Variants in EFCAB14 observed in about 807,000 individuals in gnomAD.
The protein encoded by EFCAB14 is EF-hand calcium binding domain 14.
Under a neutral mutation model 56.5 loss-of-function variants are expected in EFCAB14, and 43 were observed. That is an observed-to-expected ratio of 0.76 (90% CI 0.60 to 0.98). EFCAB14 has a LOEUF of 0.98. Ranked by LOEUF, EFCAB14 falls within the 50% of genes least tolerant of loss-of-function variation. EFCAB14 has a pLI of 0.00. For missense variants in EFCAB14, 538 were observed against 580.3 expected, an observed-to-expected ratio of 0.93 and a Z score of 0.75; for synonymous variants, 235 against 212.9, an observed-to-expected ratio of 1.10 and a Z score of -0.90.
chr1:46,704,534 T>C (rs1677208181), intron 3 of EFCAB14, among the ~76,000 whole-genome samples: 3 of 149,442 alleles, frequency 2.0e-5, no homozygotes, highest in Admixed American at 2.0e-4. Flanking sequence ...TGTTCTGCCA[T>C]GTGAGGACAC....
rs1284686929 is a variant in EFCAB14 at position 46,696,535 on chromosome 1, C to T, written c.579+16G>A. ...ACCTACCTTCTGAAGTCTCTGTACCCACACATGGCACCTACCTTCTGAAGT... is the reference window on the plus strand; with the variant it reads ...ACCTACCTTCTGAAGTCTCTGTACCTACACATGGCACCTACCTTCTGAAGT... On this transcript the variant is annotated intron_variant, in intron 4 of 10. Transcript: ENST00000371933. 2 of 1,610,782 alleles carry T rather than the reference C, an allele frequency of 1.2e-6. No homozygotes were observed. The highest frequency in any genetic ancestry group is 3.3e-5 in the Admixed American group (2 of 59,832).
In EFCAB14 at chr1:46,684,054, T is replaced by C. The variant is rs1038150041; in HGVS notation, c.1186+437A>G. ...TGCTAATATTGATTAGACAGGTCCA[T>C]ACCTAAAGCCAAAGACCCTTCCAAC... On this transcript the variant is annotated intron_variant, in intron 9 of 10. Coordinates refer to ENST00000371933, the MANE Select transcript of EFCAB14 (RefSeq NM_014774.3). 3 of 169,488 alleles carry C rather than the reference T, an allele frequency of 1.8e-5. No individual in the cohort carries two copies. In the South Asian group the frequency reaches 4.3e-4, roughly 25 times the overall value. 10.5% of individuals were successfully genotyped at this position (169,488 alleles called of 1,614,324 possible).
Position 46,691,898 on chromosome 1 carries a change from G to T in EFCAB14, c.619C>A (p.Leu207Ile), listed in dbSNP as rs141692192. The T allele has an allele frequency of 4.5e-4, 727 of 1,613,416 alleles. No individual in the cohort carries two copies. Among genetic ancestry groups the T allele is most frequent in the Non-Finnish European group, 5.9e-4 (693 of 1,179,712 alleles). The change falls in exon 5 of 11, where the codon CTT becomes ATT. Residue 207 changes from leucine to isoleucine, a missense_variant. By Grantham distance (5) the Leu-to-Ile change is conservative. Transcript: ENST00000371933. ...GTTTTCTGTAGTGCTTCCACAGCAA[G>T]ATGGACGCTGTTTAAAGTATTGCCA... ...SIGNTLNSVH[L>I]AVEALQKTVD...
At chr1:46,706,352 C>T (rs1359605696) in intron 3 of EFCAB14, among the ~76,000 whole-genome samples, 2 of 152,176 alleles carry the variant, frequency 1.3e-5, no homozygotes, top group East Asian at 1.9e-4. Context: ...TGTCTAGCTT[C>T]CTGGTTAAAG....
intron 10 of EFCAB14, 104 bp from the exon 11 acceptor site, chr1:46,678,740 C>T (rs561475991): frequency 4.8e-5 from 55 of 1,140,466 alleles, no homozygotes; most frequent in Admixed American, 3.3e-4. Flanking sequence ...AAAGCTACTC[C>T]GCAAATTTTG....
chr1:46,684,490 C>CA lies in EFCAB14; in HGVS notation c.1186_1186+1insT (p.Glu396ValfsTer25). 8 of 1,613,484 alleles carry CA rather than the reference C, an allele frequency of 5.0e-6. No homozygotes were observed. The highest frequency in any genetic ancestry group is 6.8e-6 in the Non-Finnish European group (8 of 1,179,476). ...TATTAAGAAGCCGGCTCTGCTCTCACCTTCATCGGCGGTCTCTGGAGGCCT... is the reference window on the plus strand; with the variant it reads ...TATTAAGAAGCCGGCTCTGCTCTCACACTTCATCGGCGGTCTCTGGAGGCCT... On this transcript the variant is annotated frameshift_variant and splice_region_variant. Transcript: ENST00000371933. LOFTEE classifies it high-confidence loss of function.
rs1569666413 is a variant in EFCAB14, at chr1:46,675,701, T to C, written c.*2760A>G. ...CTTCAGCTCTGTTGCATCATACACA[T>C]TCCTGAGGGTCAGGCACCTCTGCCT... On this transcript the variant is annotated 3_prime_UTR_variant, in exon 11 of 11. Coordinates refer to ENST00000371933, the MANE Select transcript of EFCAB14 (RefSeq NM_014774.3). The C allele has an allele frequency of 6.6e-6, 1 of 152,210 alleles. No homozygotes were observed. The highest frequency in any genetic ancestry group is 2.4e-5 in the African/African-American group (1 of 41,444). 9.4% of individuals were successfully genotyped at this position (152,210 alleles called of 1,614,324 possible). A position where few individuals can be genotyped will look rare whatever the true frequency, so the allele number is the denominator to read the frequency against.
intron 8 of EFCAB14, among the ~76,000 whole-genome samples, chr1:46,685,547 T>C (rs1676867533): frequency 1.3e-5 from 2 of 152,196 alleles, no homozygotes; most frequent in Non-Finnish European, 2.9e-5. Context: ...TACTAAATGT[T>C]TGAAGAACTA....
intron 3 of EFCAB14, 47 bp downstream of exon 3, chr1:46,707,859 C>T: frequency 6.3e-7 from 1 of 1,578,392 alleles, no homozygotes; most frequent in Non-Finnish European, 8.6e-7. Flanking sequence ...ACTAAACAAC[C>T]AAACAAATAT....
chr1:46,688,391 T>A lies in EFCAB14; in HGVS notation c.949A>T (p.Ser317Cys). The A allele has an allele frequency of 6.2e-7, 1 of 1,613,994 alleles. No individual in the cohort carries two copies. The highest frequency in any genetic ancestry group is 8.5e-7 in the Non-Finnish European group (1 of 1,179,896). The change falls in exon 7 of 11, where the codon AGC (serine) becomes TGC (cysteine). Residue 317 changes from serine (S) to cysteine (C), a missense_variant. Physicochemically the swap from Ser to Cys is moderately radical, Grantham distance 112. Transcript: ENST00000371933. Reference sequence around the variant, plus strand: ...AGGTTTGCTTTCTTTTCTACCTTGCTCATAGCAACCACATCGCTTTCTATC... The same window carrying A: ...AGGTTTGCTTTCTTTTCTACCTTGCACATAGCAACCACATCGCTTTCTATC... ...NLIESDVVAM[S>C]KVEKKANLSF...
At chr1:46,690,973 G>A (rs142899703) in intron 5 of EFCAB14, among the ~76,000 whole-genome samples, 2 of 152,264 alleles carry the variant, frequency 1.3e-5, no homozygotes, top group East Asian at 3.9e-4. Context: ...GAATAGTCCT[G>A]ATTTCAGATG....
chr1:46,686,156 A>G (rs1676877739), intron 8 of EFCAB14, among the ~76,000 whole-genome samples: 1 of 152,172 alleles, frequency 6.6e-6, no homozygotes, highest in African/African-American at 2.4e-5. Context: ...TACTGTAATC[A>G]CACTTTCTTT....
At position 46,681,661 on chromosome 1, in the gene EFCAB14, C is replaced by CTG. The variant is rs1240922419; in HGVS notation, c.1312+1637_1312+1638dup. On this transcript the variant is annotated intron_variant, in intron 10 of 10. Transcript: ENST00000371933. Reference sequence around the variant, plus strand: ...ACACCAAGTGGCTAGCTGAAGAGTTCTGTTTTTTTTTTTCTTTTTTTTTGT... The same window carrying CTG: ...ACACCAAGTGGCTAGCTGAAGAGTTCTGTGTTTTTTTTTTTCTTTTTTTTTGT... Among the ~76,000 whole-genome samples, 4 of 39,002 alleles carry CTG rather than the reference C, an allele frequency of 1.0e-4. No individual in the cohort carries two copies. In the Admixed American group the frequency reaches 1.2e-3, roughly 11 times the overall value. 25.6% of individuals were successfully genotyped at this position (39,002 alleles called of 152,430 possible).
intron 4 of EFCAB14, among the ~76,000 whole-genome samples, chr1:46,693,479 C>G (rs751944055): frequency 2.6e-5 from 4 of 152,200 alleles, no homozygotes; most frequent in Admixed American, 1.3e-4. Context: ...GATAAACACA[C>G]AGATTTGCAA....
chr1:46,686,360 C>T (rs1001330004), intron 8 of EFCAB14, among the ~76,000 whole-genome samples: 4 of 152,164 alleles, frequency 2.6e-5, no homozygotes, highest in African/African-American at 9.7e-5. Flanking sequence ...CCTCTGTCCC[C>T]CATCATTAGT....
chr1:46,713,511 A>G (rs1047223730), intron 2 of EFCAB14, among the ~76,000 whole-genome samples: 1 of 152,186 alleles, frequency 6.6e-6, no homozygotes, highest in African/African-American at 2.4e-5. Context: ...CAAGTACTAC[A>G]TTTTTAAAAT....
In EFCAB14 at chr1:46,718,060, A is replaced by G. The variant is rs1677425640; in HGVS notation, c.28T>C (p.Leu10=). The G allele has an allele frequency of 6.2e-7, 1 of 1,614,032 alleles. No homozygotes were observed. Among genetic ancestry groups the G allele is most frequent in the Non-Finnish European group, 8.5e-7 (1 of 1,179,970 alleles). The change falls in exon 1 of 11, where the codon TTG becomes CTG. Residue 10 remains leucine, a synonymous_variant. Transcript: ENST00000371933. ...CGGCTGTCCCCAGCCAAACCAATCA[A>G]TGCATTGAGCTCTTTGCGCTTTTTC... MKKRKELNA[L]IGLAGDSRRK... is the part of the protein sequence containing the mutation.
intron 10 of EFCAB14, among the ~76,000 whole-genome samples, chr1:46,682,621 CA>C (rs1676813545): frequency 6.6e-6 from 1 of 152,098 alleles, no homozygotes; most frequent in South Asian, 2.1e-4. Flanking sequence ...AAAATGAGAC[CA>C]TATCTTATAC....
In EFCAB14 at chr1:46,684,918, C is replaced by T. The variant is rs112696478; in HGVS notation, c.1075-316G>A. On this transcript the variant is annotated intron_variant, in intron 8 of 10. Coordinates refer to ENST00000371933, the MANE Select transcript of EFCAB14 (RefSeq NM_014774.3). The stretch of plus-strand genomic sequence containing the variant: ...ATGTACCCTTGCTCAGGTGCCTATG[C>T]GACACCCATTTCCTAAATAAGCAGG... Among the ~76,000 whole-genome samples the T allele has an allele frequency of 6.6e-5, 10 of 152,268 alleles. 1 individual carries two copies. Among genetic ancestry groups the T allele is most frequent in the South Asian group, 2.1e-4 (1 of 4,826 alleles).
Sources: allele counts gnomAD v4.1 joint callset (sites outside exome capture counted in the v4.1 genomes callset), GRCh38; gene constraint gnomAD v4.1.1; transcripts MANE v1.5; gene names NCBI Gene and HGNC (gene_info 2026-07-23, HGNC 2026-07-21).